The following PRUNE2 variants were observed in gnomAD, a reference collection of about 807,000 sequenced individuals.
PRUNE2 encodes the protein protein prune homolog 2.
Under a neutral mutation model 252.0 loss-of-function variants are expected in PRUNE2, and 164 were observed. That is an observed-to-expected ratio of 0.65 (90% CI 0.57 to 0.74). PRUNE2 has a LOEUF of 0.74. PRUNE2 is among the 30% of genes least tolerant of loss of function. The probability of loss-of-function intolerance (pLI) is 0.00; values close to 1 mark genes in which losing one functional copy is unlikely to be tolerated. For synonymous variants in PRUNE2, 1,292 were observed against 1,350.2 expected (o/e 0.96, Z 0.94); for missense variants, 3,495 against 3,711.0 (o/e 0.94, Z 1.51).
chr9:76,897,777 C>T (rs1297413352), intron 1 of PRUNE2, among the ~76,000 whole-genome samples: 2 of 152,080 alleles, frequency 1.3e-5, no homozygotes, highest in African/African-American at 4.8e-5. Context: ...AGATTAGTAC[C>T]TACCTTACAA....
intron 1 of PRUNE2, among the ~76,000 whole-genome samples, chr9:76,874,809 AC>A (rs1425615725): frequency 6.6e-6 from 1 of 152,206 alleles, no homozygotes; most frequent in Non-Finnish European, 1.5e-5. Flanking sequence ...TTTGCAGCAG[AC>A]AAAGTATATT....
At chr9:76,617,594 G>C (rs1830321673) in intron 18 of PRUNE2, among the ~76,000 whole-genome samples, 1 of 152,092 alleles carries the variant, frequency 6.6e-6, no homozygotes, top group African/African-American at 2.4e-5. Context: ...CCTCTTAAGG[G>C]CTCAGGAAAG....
At chr9:76,871,993 A>G (rs769978361) in intron 1 of PRUNE2, among the ~76,000 whole-genome samples, 1 of 152,170 alleles carries the variant, frequency 6.6e-6, no homozygotes, top group South Asian at 2.1e-4. Context: ...GAAAATAGTC[A>G]ACATTTATAC....
intron 6 of PRUNE2, among the ~76,000 whole-genome samples, chr9:76,790,495 T>C (rs2055446320): frequency 6.6e-6 from 1 of 152,142 alleles, no homozygotes; most frequent in Admixed American, 6.6e-5. Flanking sequence ...CTACTCTCCC[T>C]CTCTCTAGGT....
chr9:76,779,493 T>C (rs2054147683), intron 6 of PRUNE2, among the ~76,000 whole-genome samples: 1 of 152,248 alleles, frequency 6.6e-6, no homozygotes, highest in African/African-American at 2.4e-5. Flanking sequence ...CAACATCTAG[T>C]CACTTTAGCT....
intron 6 of PRUNE2, among the ~76,000 whole-genome samples, chr9:76,775,923 T>C (rs983729772): frequency 6.6e-6 from 1 of 151,546 alleles, no homozygotes; most frequent in Non-Finnish European, 1.5e-5. Context: ...TGACTACACA[T>C]CCCTAAACCT....
intron 6 of PRUNE2, among the ~76,000 whole-genome samples, chr9:76,767,719 C>T (rs969565619): frequency 2.6e-5 from 4 of 152,132 alleles, no homozygotes; most frequent in Admixed American, 2.0e-4. Context: ...TCGTGCATCT[C>T]TCGTGAATCT....
chr9:76,835,285 A>G (rs914788364), intron 4 of PRUNE2, among the ~76,000 whole-genome samples: 1 of 152,164 alleles, frequency 6.6e-6, no homozygotes, highest in Admixed American at 6.5e-5. Flanking sequence ...ACAGAAAAGA[A>G]GGGTCTTAAA....
rs374443189 is a variant in PRUNE2, at chr9:76,885,628, G to A, written c.36+20300C>T. 2.3e-4 allele frequency among the ~76,000 whole-genome samples: 35 copies of A among 152,244 alleles called. 1 individual carries two copies. The highest frequency in any genetic ancestry group is 1.5e-3 in the East Asian group (8 of 5,178). On this transcript the variant is annotated intron_variant, in intron 1 of 18. Transcript: ENST00000376718. ...CTTACTCTTCAGAGCGGCAACCCCC[G>A]GTGACAGGCTGACTGTGTCAAAGGG... is the stretch of plus-strand genomic sequence containing the variant.
chr9:76,691,687 T>G (rs917690381), intron 9 of PRUNE2, among the ~76,000 whole-genome samples: 4 of 152,158 alleles, frequency 2.6e-5, no homozygotes, highest in African/African-American at 9.7e-5. Context: ...AAAGAGACAT[T>G]ATATTTCTCA....
In PRUNE2 at chr9:76,614,602, T is replaced by C; in HGVS notation, c.9237-2A>G. 6.2e-7 allele frequency: 1 copy of C among 1,609,766 alleles called. No individual in the cohort carries two copies. Among genetic ancestry groups the C allele is most frequent in the Non-Finnish European group, 8.5e-7 (1 of 1,177,088 alleles). On this transcript the variant is annotated splice_acceptor_variant, in intron 18 of 18. Transcript: ENST00000376718. LOFTEE classifies it high-confidence loss of function. Reference sequence around the variant, plus strand: ...TTTTCTTTCAGCTTCAAGTCAATACTGCAAAGAAAAGAAAAAGAGAGAGAA... The same window carrying C: ...TTTTCTTTCAGCTTCAAGTCAATACCGCAAAGAAAAGAAAAAGAGAGAGAA...
rs1199326745 is a variant in PRUNE2, at chr9:76,864,296, A to AG, written c.37-10089dup. ...AACAACAGACACTGGGGCCTACCAG[A>AG]GGGGGTAGCAGGAAGGAGGGTGTAG... On this transcript the variant is annotated intron_variant, in intron 1 of 18. Transcript: ENST00000376718. 4.6e-5 allele frequency among the ~76,000 whole-genome samples: 7 copies of AG among 152,216 alleles called. No individual in the cohort carries two copies. The East Asian group carries it at 1.2e-3, about 25-fold the overall frequency.
At chr9:76,711,416 G>GCACTTTGCAATTT in intron 7 of PRUNE2, 58 bp from the exon 8 acceptor site, 1 of 1,092,328 alleles carries the variant, frequency 9.2e-7, no homozygotes, top group Non-Finnish European at 1.3e-6. Context: ...CTTTGCAATT[G>GCACTTTGCAATTT]CACTTTGCAA....
At chr9:76,687,770 A>C (rs1244678308) in intron 9 of PRUNE2, 5 of 209,032 alleles carry the variant, frequency 2.4e-5, no homozygotes, top group Middle Eastern at 9.5e-4. Flanking sequence ...GAGAATTTAA[A>C]ATCTAGGAGG....
intron 9 of PRUNE2, among the ~76,000 whole-genome samples, chr9:76,669,108 T>G (rs886857439): frequency 1.3e-5 from 2 of 151,910 alleles, no homozygotes; most frequent in African/African-American, 2.4e-5. Flanking sequence ...AGATAGGACT[T>G]CAACATATAT....
At chr9:76,641,342 C>T (rs892590709) in intron 12 of PRUNE2, among the ~76,000 whole-genome samples, 1 of 152,126 alleles carries the variant, frequency 6.6e-6, no homozygotes. Flanking sequence ...AGAAAGATTT[C>T]CACATGAAAG....
At chr9:76,885,098 G>A (rs912584112) in intron 1 of PRUNE2, among the ~76,000 whole-genome samples, 4 of 152,176 alleles carry the variant, frequency 2.6e-5, no homozygotes, top group Non-Finnish European at 5.9e-5. Context: ...GGAGTAAGGA[G>A]CTCCCCACTT....
chr9:76,870,689 A>G (rs2061145750), intron 1 of PRUNE2, among the ~76,000 whole-genome samples: 1 of 151,732 alleles, frequency 6.6e-6, no homozygotes, highest in Admixed American at 6.6e-5. Flanking sequence ...CTGTCTCAAA[A>G]AAAAAAAAAA....
chr9:76,875,436 G>C (rs1006158459), intron 1 of PRUNE2, among the ~76,000 whole-genome samples: 19 of 152,106 alleles, frequency 1.2e-4, no homozygotes, highest in African/African-American at 4.1e-4. Flanking sequence ...CATGATCTCG[G>C]CTCACTGCAA....
Sources: gnomAD v4.1 joint callset for allele counts (sites outside exome capture counted in the v4.1 genomes callset) on GRCh38, gnomAD v4.1.1 for gene constraint, MANE v1.5 for transcripts, NCBI Gene and HGNC (gene_info 2026-07-23, HGNC 2026-07-21) for gene names.